Variants in CNOT9 observed in about 807,000 individuals in gnomAD.
CNOT9 encodes RCD1 required for cell differentiation1 homolog.
In CNOT9, 8 loss-of-function variants were observed where a neutral mutation model predicts 37.4. That is an observed-to-expected ratio of 0.21 (90% CI 0.13 to 0.39). CNOT9 has a LOEUF of 0.39. Among genes scored for constraint, CNOT9 ranks in the 10% least tolerant of loss-of-function variants. The probability of loss-of-function intolerance (pLI) is 1.00; values close to 1 mark genes in which losing one functional copy is unlikely to be tolerated. For synonymous variants in CNOT9, 120 were observed against 137.6 expected (o/e 0.87, Z 0.90); for missense variants, 154 against 365.3 (o/e 0.42, Z 4.71).
chr2:218,582,790 A>G (rs1694440299), intron 2 of CNOT9, among the ~76,000 whole-genome samples, 181 bp from the exon 3 acceptor site: 1 of 152,060 alleles, frequency 6.6e-6, no homozygotes, highest in African/African-American at 2.4e-5. Context: ...AGTCTCAGCC[A>G]AGTAAGTTTG....
rs573905401 is a variant in CNOT9 at position 218,582,870 on chromosome 2, T to C, written c.205-101T>C. On this transcript the variant is annotated intron_variant, in intron 2 of 7. Coordinates refer to ENST00000273064, the MANE Select transcript of CNOT9 (RefSeq NM_005444.3). The stretch of plus-strand genomic sequence containing the variant: ...TGAGTTCTTAAAAGATGCACAGAAT[T>C]AAGAGCTATTTTATTTGCCTTTTTT... 44 of 676,666 alleles carry C rather than the reference T, an allele frequency of 6.5e-5. 1 individual carries two copies. The South Asian group carries it at 7.8e-4, about 12-fold the overall frequency. 41.9% of individuals were successfully genotyped at this position (676,666 alleles called of 1,614,324 possible). A position where few individuals can be genotyped will look rare whatever the true frequency, so the allele number is the denominator to read the frequency against.
At chr2:218,575,018 A>G (rs561617428) in intron 1 of CNOT9, among the ~76,000 whole-genome samples, 144 of 152,250 alleles carry the variant, frequency 9.5e-4, no homozygotes, top group African/African-American at 3.2e-3. Context: ...AATTTCTAAG[A>G]TTTTAGAGTT....
intron 1 of CNOT9, among the ~76,000 whole-genome samples, chr2:218,571,254 G>A (rs1384793610): frequency 6.6e-6 from 1 of 152,144 alleles, no homozygotes; most frequent in Non-Finnish European, 1.5e-5. Flanking sequence ...AGATAACAAA[G>A]TACTGCCAAA....
intron 1 of CNOT9, among the ~76,000 whole-genome samples, chr2:218,579,618 C>CT (rs1294065716): frequency 1.3e-5 from 2 of 152,030 alleles, no homozygotes; most frequent in Non-Finnish European, 2.9e-5. Context: ...TCCAGAGTAG[C>CT]TGGGACTACA....
At chr2:218,585,812 T>A (rs910859268) in intron 4 of CNOT9, among the ~76,000 whole-genome samples, 2 of 151,842 alleles carry the variant, frequency 1.3e-5, no homozygotes, top group African/African-American at 4.8e-5. Context: ...TACATTTTTT[T>A]ATTTTTTTGT....
chr2:218,579,980 G>A (rs1694316199), intron 1 of CNOT9, among the ~76,000 whole-genome samples: 1 of 143,990 alleles, frequency 6.9e-6, no homozygotes, highest in Non-Finnish European at 1.5e-5. Flanking sequence ...CACCACACCT[G>A]GCTTTTTTTT....
At chr2:218,569,883 C>A (rs2106074638) in intron 1 of CNOT9, among the ~76,000 whole-genome samples, 1 of 152,326 alleles carries the variant, frequency 6.6e-6, no homozygotes, top group East Asian at 1.9e-4. Flanking sequence ...CAGGTCTCTG[C>A]CTAAATCGGT....
At chr2:218,582,318 A>C (rs560149330) in intron 2 of CNOT9, among the ~76,000 whole-genome samples, 1 of 152,306 alleles carries the variant, frequency 6.6e-6, no homozygotes, top group African/African-American at 2.4e-5. Context: ...AATTATAAAA[A>C]TTTGAGTATC....
At chr2:218,581,122 ATAT>A in intron 2 of CNOT9, 1 of 336,070 alleles carries the variant, frequency 3.0e-6, no homozygotes, top group Non-Finnish European at 5.8e-6. Context: ...AAGGTACAAT[ATAT>A]TCTATGGAAA....
intron 1 of CNOT9, among the ~76,000 whole-genome samples, chr2:218,576,118 C>T (rs958631455): frequency 6.6e-6 from 1 of 152,078 alleles, no homozygotes; most frequent in African/African-American, 2.4e-5. Context: ...CCTGCCGTAC[C>T]CCTTCTTCTA....
chr2:218,573,981 T>C (rs1378595811), intron 1 of CNOT9: 1 of 430,652 alleles, frequency 2.3e-6, no homozygotes, highest in Non-Finnish European at 4.6e-6. Flanking sequence ...TTTTATTTTA[T>C]GTTTTTGAGA....
At chr2:218,585,891 C>T (rs1010772791) in intron 4 of CNOT9, among the ~76,000 whole-genome samples, 3 of 152,092 alleles carry the variant, frequency 2.0e-5, no homozygotes, top group African/African-American at 7.2e-5. Flanking sequence ...GTTCTCCCAC[C>T]TTGGCCTCCC....
intron 2 of CNOT9, 69 bp from the exon 3 acceptor site, chr2:218,582,902 T>G (rs75666218): frequency 2.4e-6 from 2 of 827,666 alleles, no homozygotes; most frequent in South Asian, 3.0e-5. Context: ...TTTTTTTTTT[T>G]GCTTTATTAC....
chr2:218,580,502 G>A (rs757354184), intron 1 of CNOT9, 59 bp from the exon 2 acceptor site: 73 of 1,432,840 alleles, frequency 5.1e-5, no homozygotes, highest in Non-Finnish European at 6.9e-5. Context: ...CTCTGTTGCA[G>A]GGTAAGACTT....
intron 1 of CNOT9, among the ~76,000 whole-genome samples, chr2:218,572,267 G>T (rs767920836): frequency 6.6e-6 from 1 of 152,136 alleles, no homozygotes; most frequent in Non-Finnish European, 1.5e-5. Flanking sequence ...GTTGCAGTGA[G>T]CCAAAATCGT....
At chr2:218,582,752 T>C (rs959811346) in intron 2 of CNOT9, among the ~76,000 whole-genome samples, 2 of 152,060 alleles carry the variant, frequency 1.3e-5, no homozygotes, top group East Asian at 3.9e-4. Flanking sequence ...AAAATCTTCC[T>C]AGAGACAAAT....
intron 1 of CNOT9, among the ~76,000 whole-genome samples, chr2:218,570,064 C>T (rs1693927672): frequency 2.0e-5 from 3 of 152,066 alleles, no homozygotes; most frequent in South Asian, 4.2e-4. Flanking sequence ...GACGTGGTTT[C>T]CCCGGTGCCA....
At chr2:218,580,264 C>G (rs1335939136) in intron 1 of CNOT9, among the ~76,000 whole-genome samples, 1 of 152,124 alleles carries the variant, frequency 6.6e-6, no homozygotes, top group East Asian at 1.9e-4. Context: ...CCACCGCGCC[C>G]GGCCACTTTT....
intron 5 of CNOT9, among the ~76,000 whole-genome samples, chr2:218,590,054 GTT>G (rs71064464): frequency 2.7e-5 from 4 of 147,012 alleles, no homozygotes; most frequent in Admixed American, 6.7e-5. Flanking sequence ...GCTTTTTTCT[GTT>G]TTTTTTTTTG....
Sources: gnomAD v4.1 joint callset for allele counts (sites outside exome capture counted in the v4.1 genomes callset) on GRCh38, gnomAD v4.1.1 for gene constraint, MANE v1.5 for transcripts, NCBI Gene and HGNC (gene_info 2026-07-23, HGNC 2026-07-21) for gene names.